M1AP: variants seen among roughly 807,000 people sequenced by gnomAD.
M1AP encodes meiosis 1 arrest protein.
M1AP carries 39 observed loss-of-function variants against 51.2 expected under a neutral mutation model. The ratio of observed to expected loss-of-function variants is 0.76; its 90% CI spans 0.59 to 1.00. M1AP has a LOEUF of 1.00. Ranked by LOEUF, M1AP falls within the 50% of genes least tolerant of loss-of-function variation. The probability of loss-of-function intolerance (pLI) is 0.00; values close to 1 mark genes in which losing one functional copy is unlikely to be tolerated. For synonymous variants in M1AP, 251 were observed against 249.2 expected (o/e 1.01, Z -0.07); for missense variants, 545 against 641.2 (o/e 0.85, Z 1.62).
chr2:74,570,120 C>T (rs570810064), intron 7 of M1AP, among the ~76,000 whole-genome samples: 12 of 152,096 alleles, frequency 7.9e-5, no homozygotes, highest in Non-Finnish European at 1.6e-4. Flanking sequence ...GAGACTAAGC[C>T]ACGTAGGGGC....
intron 7 of M1AP, among the ~76,000 whole-genome samples, chr2:74,564,544 T>G (rs1678251665): frequency 6.6e-6 from 1 of 152,254 alleles, no homozygotes; most frequent in Non-Finnish European, 1.5e-5. Context: ...CACCAGGTAC[T>G]GTGCCAAGAG....
chr2:74,611,103 C>T (rs766919265), intron 3 of M1AP, among the ~76,000 whole-genome samples: 2 of 152,124 alleles, frequency 1.3e-5, no homozygotes, highest in Non-Finnish European at 2.9e-5. Flanking sequence ...GTTTTTGCAT[C>T]TATGTTCTTC....
intron 2 of M1AP, 97 bp from the exon 3 acceptor site, chr2:74,615,246 C>T: frequency 9.3e-7 from 1 of 1,074,030 alleles, no homozygotes; most frequent in Non-Finnish European, 1.4e-6. Context: ...CTCAGAAGTT[C>T]CTTCCCTTCC....
In M1AP at chr2:74,614,996, TG is replaced by T; in HGVS notation, c.393del (p.Thr132GlnfsTer5). 6.2e-7 allele frequency: 1 copy of T among 1,614,156 alleles called. No homozygotes were observed. Among genetic ancestry groups the T allele is most frequent in the Non-Finnish European group, 8.5e-7 (1 of 1,180,010 alleles). ...GAGGTATAGGTCAGAGCTGCCCTTGTGGTCACATGTCTGCTGTATTGTTTGA... is the reference window on the plus strand; with the variant it reads ...GAGGTATAGGTCAGAGCTGCCCTTGTGTCACATGTCTGCTGTATTGTTTGA... ...QQFKQYSRHV[T>X]TRAALTYTSL... On this transcript the variant is annotated frameshift_variant, in exon 3 of 11. Transcript: ENST00000421985. LOFTEE classifies it high-confidence loss of function.
chr2:74,638,398 A>G (rs1573192499), intron 2 of M1AP, among the ~76,000 whole-genome samples: 5 of 152,086 alleles, frequency 3.3e-5, no homozygotes, highest in Admixed American at 2.6e-4. Flanking sequence ...AGTGTTTTTC[A>G]TAGGTTTTAT....
rs763865140 is a variant in M1AP, at chr2:74,607,122, A to T, written c.528T>A (p.Val176=). ...DLARVRRFQV[V]EVTKGILEHV... The stretch of plus-strand genomic sequence containing the variant: ...GCTCTAGGATTCCCTTTGTGACCTC[A>T]ACGACCTGAAACCTCCTGACTCTGG... Residue 176 remains valine (V), a synonymous_variant, in exon 4 of 11, where the codon GTT becomes GTA. Transcript: ENST00000421985. 1 of 1,614,176 alleles carries T rather than the reference A, an allele frequency of 6.2e-7. No homozygotes were observed. Among genetic ancestry groups the T allele is most frequent in the Admixed American group, 1.7e-5 (1 of 60,028 alleles).
intron 2 of M1AP, among the ~76,000 whole-genome samples, chr2:74,631,839 C>T (rs1263294447): frequency 6.6e-6 from 1 of 152,034 alleles, no homozygotes; most frequent in African/African-American, 2.4e-5. Context: ...TTTGATTATA[C>T]TCAAAAATTA....
chr2:74,643,699 T>C (rs531633240), intron 1 of M1AP, among the ~76,000 whole-genome samples: 36 of 151,482 alleles, frequency 2.4e-4, no homozygotes, highest in Non-Finnish European at 5.9e-5. Context: ...GCTCAAGTGA[T>C]CCTCCCACCT....
At chr2:74,613,769 C>T (rs1681502596) in intron 3 of M1AP, among the ~76,000 whole-genome samples, 1 of 152,214 alleles carries the variant, frequency 6.6e-6, no homozygotes, top group African/African-American at 2.4e-5. Context: ...CTGTCAGAGG[C>T]ATGAGGGAAT....
At chr2:74,573,376 A>G in intron 7 of M1AP, among the ~76,000 whole-genome samples, 1 of 150,506 alleles carries the variant, frequency 6.6e-6, no homozygotes, top group East Asian at 2.0e-4. Flanking sequence ...TTTTTGAGAC[A>G]GGGTCTTGCT....
intron 4 of M1AP, among the ~76,000 whole-genome samples, chr2:74,587,578 C>G (rs1326685768): frequency 6.6e-6 from 1 of 152,176 alleles, no homozygotes; most frequent in Non-Finnish European, 1.5e-5. Flanking sequence ...ACACCAACAA[C>G]TAGTATGTAT....
chr2:74,586,042 G>A (rs1288165094), intron 4 of M1AP, among the ~76,000 whole-genome samples: 1 of 152,092 alleles, frequency 6.6e-6, no homozygotes, highest in East Asian at 1.9e-4. Context: ...CCCTTCCTCT[G>A]TGATGGCTCA....
chr2:74,570,771 A>G (rs765354527), intron 7 of M1AP, among the ~76,000 whole-genome samples: 4 of 152,236 alleles, frequency 2.6e-5, no homozygotes, highest in Non-Finnish European at 4.4e-5. Flanking sequence ...TGGGACCTTG[A>G]ATATTAGGCT....
intron 7 of M1AP, among the ~76,000 whole-genome samples, chr2:74,564,291 G>T (rs1279718786): frequency 6.6e-6 from 1 of 152,200 alleles, no homozygotes; most frequent in South Asian, 2.1e-4. Context: ...ATTCTGTGCA[G>T]TGCGGAGCTC....
chr2:74,625,595 T>G (rs1682335892), intron 2 of M1AP, among the ~76,000 whole-genome samples: 1 of 152,214 alleles, frequency 6.6e-6, no homozygotes, highest in Non-Finnish European at 1.5e-5. Context: ...TCTTTTACAG[T>G]GAGCACAATG....
At chr2:74,617,348 C>T (rs1224237937) in intron 2 of M1AP, among the ~76,000 whole-genome samples, 53 of 152,188 alleles carry the variant, frequency 3.5e-4, no homozygotes, top group Non-Finnish European at 4.4e-5. Context: ...CAACTTCGGA[C>T]TAAGCTTGTT....
At chr2:74,641,947 G>C (rs939801358) in intron 1 of M1AP, among the ~76,000 whole-genome samples, 1 of 151,716 alleles carries the variant, frequency 6.6e-6, no homozygotes, top group African/African-American at 2.4e-5. Flanking sequence ...CCGGGTTCAA[G>C]CGATTCTCCT....
At position 74,615,070 on chromosome 2, in the gene M1AP, G is replaced by C. The variant is rs1455405289; in HGVS notation, c.320C>G (p.Ser107Ter). The C allele has an allele frequency of 6.2e-7, 1 of 1,614,164 alleles. No individual in the cohort carries two copies. ...TGCCAGCCGCAGAGAAGCACCTTGTGATCTGAAACACCCTTCTCTCTGTAA... is the reference window on the plus strand; with the variant it reads ...TGCCAGCCGCAGAGAAGCACCTTGTCATCTGAAACACCCTTCTCTCTGTAA... ...RMLQREGCFRSQGASLRLAVE... is the reference protein window; with the variant it reads ...RMLQREGCFR Residue 107 changes from serine to a stop codon, truncating the protein, a stop_gained, in exon 3 of 11, where the codon TCA becomes TGA. Coordinates refer to ENST00000421985, the MANE Select transcript of M1AP (RefSeq NM_001321739.2). LOFTEE classifies it high-confidence loss of function.
intron 3 of M1AP, among the ~76,000 whole-genome samples, chr2:74,610,121 C>G (rs1681244541): frequency 1.3e-5 from 2 of 151,994 alleles, no homozygotes; most frequent in South Asian, 2.1e-4. Context: ...TCTGCCTCAG[C>G]CTCCCATGTA....
Sources: gnomAD v4.1 joint callset for allele counts (sites outside exome capture counted in the v4.1 genomes callset) on GRCh38, gnomAD v4.1.1 for gene constraint, MANE v1.5 for transcripts, NCBI Gene and HGNC (gene_info 2026-07-23, HGNC 2026-07-21) for gene names.